NRBP1: variants seen among roughly 807,000 people sequenced by gnomAD.
The protein encoded by NRBP1 is nuclear receptor binding protein 1.
A neutral mutation model predicts 76.0 loss-of-function variants in NRBP1; 10 were observed. The ratio of observed to expected loss-of-function variants is 0.13; its 90% CI spans 0.08 to 0.22. The LOEUF (loss-of-function observed/expected upper bound fraction) is 0.22, where lower values mean the gene tolerates loss of function less well. Among genes scored for constraint, NRBP1 ranks in the 10% least tolerant of loss-of-function variants. The pLI, the probability that NRBP1 is intolerant of heterozygous loss-of-function variation, is 1.00. For missense variants in NRBP1, 344 were observed against 646.0 expected, an observed-to-expected ratio of 0.53 and a Z score of 5.07; for synonymous variants, 235 against 240.2, an observed-to-expected ratio of 0.98 and a Z score of 0.20.
intron 10 of NRBP1, among the ~76,000 whole-genome samples, chr2:27,439,295 G>A (rs1337472321): frequency 6.6e-6 from 1 of 152,014 alleles, no homozygotes; most frequent in Non-Finnish European, 1.5e-5. Flanking sequence ...AGACCATCCT[G>A]GCTAACATGG....
upstream of NRBP1, chr2:27,427,809 A>C (rs914372613): frequency 1.3e-5 from 2 of 152,224 alleles, no homozygotes. Flanking sequence ...GTCTAAGGGC[A>C]GAGTGAACTT....
At chr2:27,434,855 T>A in intron 6 of NRBP1, 93 bp downstream of exon 6, 5 of 1,296,136 alleles carry the variant, frequency 3.9e-6, no homozygotes, top group Non-Finnish European at 5.6e-6. Context: ...CTATTCTGCC[T>A]CTCCCCACTT....
intron 1 of NRBP1, among the ~76,000 whole-genome samples, chr2:27,431,320 C>A (rs931499454): frequency 3.3e-5 from 5 of 152,042 alleles, no homozygotes; most frequent in African/African-American, 1.2e-4. Flanking sequence ...AAATAAATAA[C>A]CTATATCAGA....
At chr2:27,435,403 G>T (rs912531117) in intron 7 of NRBP1, among the ~76,000 whole-genome samples, 176 bp downstream of exon 7, 6 of 152,160 alleles carry the variant, frequency 3.9e-5, no homozygotes, top group Non-Finnish European at 4.4e-5. Context: ...TGGAGAGGGG[G>T]TAGGATATAT....
chr2:27,428,608 C>T (rs1663958538), upstream of NRBP1: 1 of 397,696 alleles, frequency 2.5e-6, no homozygotes, highest in African/African-American at 2.1e-5. Context: ...GTCCGGGCGC[C>T]GCGAGGGCGG....
chr2:27,437,582 G>T (rs1291232378), intron 10 of NRBP1, among the ~76,000 whole-genome samples: 1 of 152,218 alleles, frequency 6.6e-6, no homozygotes, highest in Non-Finnish European at 1.5e-5. Context: ...TAAAAGTTGT[G>T]TGTTGGAAGC....
intron 1 of NRBP1, among the ~76,000 whole-genome samples, chr2:27,432,889 T>A (rs894287054): frequency 7.9e-5 from 12 of 151,930 alleles, no homozygotes; most frequent in African/African-American, 2.4e-4. Context: ...ATTACTAAAT[T>A]TTTTTTTGAG....
intron 13 of NRBP1, 43 bp downstream of exon 13, chr2:27,440,745 G>A (rs773627256): frequency 9.9e-6 from 16 of 1,614,038 alleles, no homozygotes; most frequent in South Asian, 8.8e-5. Context: ...GGAAGCAGGC[G>A]GGGTTGGGTA....
intron 10 of NRBP1, among the ~76,000 whole-genome samples, chr2:27,438,685 C>G (rs1318114537): frequency 1.3e-5 from 2 of 152,170 alleles, no homozygotes; most frequent in Non-Finnish European, 2.9e-5. Context: ...GGTGGTGGAA[C>G]ATGGTGGCTC....
intron 5 of NRBP1, 36 bp downstream of exon 5, chr2:27,434,596 T>G (rs763510746): frequency 3.1e-6 from 5 of 1,602,314 alleles, no homozygotes; most frequent in Non-Finnish European, 4.3e-6. Flanking sequence ...TGAGGCTGGT[T>G]TTTGGGGGTG....
At chr2:27,438,510 A>C (rs1428145724) in intron 10 of NRBP1, among the ~76,000 whole-genome samples, 1 of 152,260 alleles carries the variant, frequency 6.6e-6, no homozygotes. Flanking sequence ...AGAGAAAAGA[A>C]GACTAGTGGG....
chr2:27,438,282 A>G (rs991937679), intron 10 of NRBP1, among the ~76,000 whole-genome samples: 2 of 152,150 alleles, frequency 1.3e-5, no homozygotes, highest in Non-Finnish European at 2.9e-5. Context: ...AGCCATTTTT[A>G]TATTTTTAAG....
intron 8 of NRBP1, 70 bp downstream of exon 8, chr2:27,436,906 A>C: frequency 6.7e-7 from 1 of 1,488,440 alleles, no homozygotes; most frequent in Non-Finnish European, 9.3e-7. Context: ...TGAGGTACAG[A>C]GGCAATATAA....
chr2:27,434,994 A>G (rs1572689445), intron 6 of NRBP1, 139 bp from the exon 7 acceptor site: 1 of 660,752 alleles, frequency 1.5e-6, no homozygotes, highest in Non-Finnish European at 2.7e-6. Context: ...TTAAATCATC[A>G]GGCATAATGG....
At chr2:27,428,868 C>G (rs1197058503) in intron 1 of NRBP1, 137 bp downstream of exon 1, 3 of 397,346 alleles carry the variant, frequency 7.6e-6, no homozygotes, top group East Asian at 7.1e-5. Flanking sequence ...AGCCCAGGCC[C>G]GATCGGGCCC....
In NRBP1 at chr2:27,441,858, A is replaced by ACGTG; in HGVS notation, c.*48_*51dup. ...TGATCTGCGCTGTGGCTGTCCCTGGACGTGCTGCAGCCCTCCTGTCCCTTC... is the reference window on the plus strand; with the variant it reads ...TGATCTGCGCTGTGGCTGTCCCTGGACGTGCGTGCTGCAGCCCTCCTGTCCCTTC... On this transcript the variant is annotated 3_prime_UTR_variant, in exon 18 of 18. Transcript: ENST00000379852. 8.3e-7 allele frequency: 1 copy of ACGTG among 1,199,940 alleles called. No individual in the cohort carries two copies. The highest frequency in any genetic ancestry group is 1.2e-6 in the Non-Finnish European group (1 of 817,452). 74.3% of individuals were successfully genotyped at this position (1,199,940 alleles called of 1,614,324 possible).
intron 1 of NRBP1, among the ~76,000 whole-genome samples, chr2:27,430,068 A>G (rs2148443211): frequency 6.6e-6 from 1 of 152,346 alleles, no homozygotes; most frequent in African/African-American, 2.4e-5. Flanking sequence ...GGCAGATAGT[A>G]GCTTTCCTGG....
chr2:27,440,852 A>C lies in NRBP1; in HGVS notation c.1241A>C (p.Gln414Pro). The C allele has an allele frequency of 6.2e-7, 1 of 1,614,082 alleles. No individual in the cohort carries two copies. ...LTAFGLPRPQ[Q>P]PQQEEVTSPV... Reference sequence around the variant, plus strand: ...GCCTTTGGGCTGCCTCGGCCCCAGCAGCCACAGCAGGAGGAGGTGACATCA... The same window carrying C: ...GCCTTTGGGCTGCCTCGGCCCCAGCCGCCACAGCAGGAGGAGGTGACATCA... Residue 414 changes from glutamine (Q) to proline (P), a missense_variant, in exon 14 of 18, where the codon CAG (glutamine) becomes CCG (proline). Coordinates refer to ENST00000379852, the MANE Select transcript of NRBP1 (RefSeq NM_013392.4).
chr2:27,437,404 TGTC>T (rs1464873650), intron 10 of NRBP1, 44 bp downstream of exon 10: 1 of 1,435,250 alleles, frequency 7.0e-7, no homozygotes, highest in East Asian at 2.3e-5. Context: ...GACCTTCAAA[TGTC>T]TTCTGGTTTT....
Sources: allele counts gnomAD v4.1 joint callset (sites outside exome capture counted in the v4.1 genomes callset), GRCh38; gene constraint gnomAD v4.1.1; transcripts MANE v1.5; gene names NCBI Gene and HGNC (gene_info 2026-07-23, HGNC 2026-07-21).